The following LRBA variants were observed in gnomAD, a reference collection of about 807,000 sequenced individuals.
The protein encoded by LRBA is lipopolysaccharide-responsive and beige-like anchor protein.
A neutral mutation model predicts 330.0 loss-of-function variants in LRBA; 176 were observed. That is an observed-to-expected ratio of 0.53 (90% CI 0.47 to 0.60). The LOEUF is 0.60. LRBA is among the 20% of genes least tolerant of loss of function. The pLI is 0.00. For missense variants in LRBA, 3,259 were observed against 3,444.8 expected (o/e 0.95, Z 1.35); for synonymous variants, 1,230 against 1,193.0 (o/e 1.03, Z -0.64).
chr4:150,801,499 A>C (rs1171836137), intron 33 of LRBA, among the ~76,000 whole-genome samples: 1 of 152,214 alleles, frequency 6.6e-6, no homozygotes, highest in African/African-American at 2.4e-5. Flanking sequence ...ATTTGCAAAC[A>C]TTTAGAATAA....
At chr4:150,582,621 T>C (rs1320029024) in intron 40 of LRBA, 7 of 171,176 alleles carry the variant, frequency 4.1e-5, no homozygotes, top group Non-Finnish European at 7.5e-5. Context: ...CATTTCCAGA[T>C]TTCTGGACAA....
intron 47 of LRBA, among the ~76,000 whole-genome samples, chr4:150,363,575 T>C (rs1224795974): frequency 6.6e-6 from 1 of 152,252 alleles, no homozygotes; most frequent in Non-Finnish European, 1.5e-5. Context: ...AGGTACTATA[T>C]ACCATCTTTC....
intron 37 of LRBA, among the ~76,000 whole-genome samples, chr4:150,627,364 C>T (rs896427215): frequency 2.0e-5 from 3 of 152,042 alleles, no homozygotes; most frequent in African/African-American, 7.2e-5. Flanking sequence ...CAATAAATGA[C>T]ATATAACAAG....
chr4:150,611,896 T>C (rs142151176), intron 37 of LRBA, among the ~76,000 whole-genome samples: 442 of 151,916 alleles, frequency 2.9e-3, no homozygotes, highest in African/African-American at 9.7e-3. Context: ...TTCTACGCGC[T>C]CTCTCTCTCT....
At chr4:150,311,522 G>A (rs1223903645) in intron 51 of LRBA, among the ~76,000 whole-genome samples, 1 of 152,184 alleles carries the variant, frequency 6.6e-6, no homozygotes, top group African/African-American at 2.4e-5. Context: ...ATACTCTCCA[G>A]TGCTGTGCTG....
intron 13 of LRBA, among the ~76,000 whole-genome samples, chr4:150,903,990 G>C (rs1197446901): frequency 6.6e-6 from 1 of 152,064 alleles, no homozygotes; most frequent in African/African-American, 2.4e-5. Flanking sequence ...AGTAAATGAA[G>C]GACCATGGTA....
intron 40 of LRBA, among the ~76,000 whole-genome samples, chr4:150,504,550 T>C (rs1269828786): frequency 1.3e-5 from 2 of 152,146 alleles, no homozygotes; most frequent in South Asian, 2.1e-4. Flanking sequence ...TGCTGAGAGA[T>C]TTTGTCACCA....
At chr4:150,447,768 T>C (rs1188339154) in intron 44 of LRBA, among the ~76,000 whole-genome samples, 1 of 152,206 alleles carries the variant, frequency 6.6e-6, no homozygotes, top group Admixed American at 6.5e-5. Context: ...GAGATCAATA[T>C]TGAGATTACA....
rs761614271 is a variant in LRBA, at chr4:150,916,753, C to CT, written c.646-16dup. 24 of 1,522,084 alleles carry CT rather than the reference C, an allele frequency of 1.6e-5. No individual in the cohort carries two copies. The highest frequency in any genetic ancestry group is 2.8e-5 in the African/African-American group (2 of 71,434). 94.3% of individuals were successfully genotyped at this position (1,522,084 alleles called of 1,614,324 possible). ...AATGCAATAGCCTAAAGGAAAGAAA[C>CT]TTTGAGTTATTAACTCACGTGAAAA... On this transcript the variant is annotated splice_polypyrimidine_tract_variant and intron_variant, in intron 5 of 56. Coordinates refer to ENST00000651943, the MANE Select transcript of LRBA (RefSeq NM_001364905.1).
At chr4:150,419,991 C>T (rs1006619415) in intron 46 of LRBA, among the ~76,000 whole-genome samples, 5 of 150,130 alleles carry the variant, frequency 3.3e-5, no homozygotes, top group African/African-American at 9.7e-5. Context: ...AATCCCAGCA[C>T]TTTGGGAGGC....
rs373474421 is a variant in LRBA at position 150,697,325 on chromosome 4, G to GAAAGAAA, written c.5755-13609_5755-13608insTTTCTTT. Among the ~76,000 whole-genome samples the GAAAGAAA allele has an allele frequency of 9.6e-4, 27 of 28,050 alleles. 3 individuals are homozygous for GAAAGAAA. The highest frequency in any genetic ancestry group is 3.6e-3 in the African/African-American group (27 of 7,598). The allele number at this position is 28,050 out of a possible 152,430, so 18.4% of individuals were successfully genotyped here. ...GGTGACAGAGTGAGACTTTGTCTCA[G>GAAAGAAA]AAAAAAAAAAAAAAAAAAAAAAAAA... On this transcript the variant is annotated intron_variant, in intron 36 of 56. Coordinates refer to ENST00000651943, the MANE Select transcript of LRBA (RefSeq NM_001364905.1).
At chr4:150,809,733 TGGTCCCAGCTA>T (rs886285176) in intron 31 of LRBA, among the ~76,000 whole-genome samples, 2 of 152,118 alleles carry the variant, frequency 1.3e-5, no homozygotes, top group Non-Finnish European at 2.9e-5. Flanking sequence ...TGTGTGCCTG[TGGTCCCAGCTA>T]GGTCCCAGCT....
chr4:150,850,960 C>A, intron 23 of LRBA, 58 bp from the exon 24 acceptor site: 1 of 1,276,688 alleles, frequency 7.8e-7, no homozygotes, highest in Non-Finnish European at 1.1e-6. Context: ...GAGGCTTTAG[C>A]AAAGTAAATA....
intron 40 of LRBA, among the ~76,000 whole-genome samples, chr4:150,539,177 T>C (rs1186692692): frequency 2.6e-5 from 4 of 152,106 alleles, no homozygotes; most frequent in African/African-American, 9.7e-5. Context: ...GGTTTCATCA[T>C]GTTGTTCAGG....
intron 40 of LRBA, among the ~76,000 whole-genome samples, chr4:150,548,780 C>T (rs192507963): frequency 7.7e-4 from 118 of 152,258 alleles, no homozygotes; most frequent in African/African-American, 2.4e-3. Context: ...ACTGCTATTA[C>T]ATGAATTATC....
At chr4:150,553,059 G>T (rs1766820912) in intron 40 of LRBA, among the ~76,000 whole-genome samples, 1 of 149,482 alleles carries the variant, frequency 6.7e-6, no homozygotes. Flanking sequence ...ACAGAGCGAG[G>T]CTCTGTCTCA....
intron 29 of LRBA, among the ~76,000 whole-genome samples, chr4:150,831,578 T>C (rs1346033474): frequency 1.3e-5 from 2 of 152,224 alleles, no homozygotes; most frequent in African/African-American, 4.8e-5. Flanking sequence ...TCAACTCTTT[T>C]TGTATAACAT....
chr4:150,712,173 G>C (rs1360298268), intron 36 of LRBA, among the ~76,000 whole-genome samples: 1 of 152,162 alleles, frequency 6.6e-6, no homozygotes, highest in Non-Finnish European at 1.5e-5. Flanking sequence ...CTGTAAAACA[G>C]AGATAATAAA....
chr4:150,403,577 T>G (rs1034258217), intron 47 of LRBA, among the ~76,000 whole-genome samples: 5 of 152,136 alleles, frequency 3.3e-5, no homozygotes, highest in Non-Finnish European at 5.9e-5. Flanking sequence ...TCCTTCCCCT[T>G]CTTTTTTTTA....
Sources: gnomAD v4.1 joint callset for allele counts (sites outside exome capture counted in the v4.1 genomes callset) on GRCh38, gnomAD v4.1.1 for gene constraint, MANE v1.5 for transcripts, NCBI Gene and HGNC (gene_info 2026-07-23, HGNC 2026-07-21) for gene names.